Variants in KIAA1217 observed in about 807,000 individuals in gnomAD.
KIAA1217 encodes KIAA1217, also known as sickle tail protein homolog.
A neutral mutation model predicts 163.9 loss-of-function variants in KIAA1217; 88 were observed. The observed-to-expected ratio is 0.54, with a 90% confidence interval of 0.45 to 0.64. The LOEUF (loss-of-function observed/expected upper bound fraction) is 0.64. Among genes scored for constraint, KIAA1217 ranks in the 30% least tolerant of loss-of-function variants. The pLI is 0.00. For missense variants in KIAA1217, 2,372 were observed against 2,475.0 expected, an observed-to-expected ratio of 0.96 and a Z score of 0.88; for synonymous variants, 903 against 923.1, an observed-to-expected ratio of 0.98 and a Z score of 0.39.
chr10:24,140,148 A>G (rs2063997196), intron 2 of KIAA1217, among the ~76,000 whole-genome samples: 1 of 152,078 alleles, frequency 6.6e-6, no homozygotes, highest in Non-Finnish European at 1.5e-5. Flanking sequence ...TCACGAGGTC[A>G]GGAGATGGAT....
chr10:24,074,274 G>A (rs1005298138), intron 2 of KIAA1217, among the ~76,000 whole-genome samples: 8 of 152,046 alleles, frequency 5.3e-5, no homozygotes, highest in Admixed American at 2.0e-4. Flanking sequence ...GCTTGAACCC[G>A]GGAGGTGAAT....
At chr10:23,854,753 CT>C (rs1434092991) in intron 1 of KIAA1217, among the ~76,000 whole-genome samples, 4 of 152,166 alleles carry the variant, frequency 2.6e-5, no homozygotes, top group Non-Finnish European at 5.9e-5. Context: ...GAATTGGTCC[CT>C]TTACCATTAT....
chr10:24,161,911 A>G (rs772181260), intron 2 of KIAA1217, among the ~76,000 whole-genome samples: 8 of 152,252 alleles, frequency 5.3e-5, no homozygotes, highest in Non-Finnish European at 1.0e-4. Flanking sequence ...AAATGATACG[A>G]GCTAGATAGA....
chr10:23,709,315 G>A (rs1761350032), intron 1 of KIAA1217, among the ~76,000 whole-genome samples: 2 of 152,126 alleles, frequency 1.3e-5, no homozygotes, highest in South Asian at 4.2e-4. Flanking sequence ...CTTGAGTCTA[G>A]GTGTTTAAGA....
chr10:24,121,326 A>T (rs2063273940), intron 2 of KIAA1217, among the ~76,000 whole-genome samples: 1 of 152,092 alleles, frequency 6.6e-6, no homozygotes, highest in African/African-American at 2.4e-5. Flanking sequence ...CTCTGTGTTA[A>T]CCTCTATGTA....
At chr10:23,790,177 GCATATACACATATACA>G (rs1415426270) in intron 1 of KIAA1217, among the ~76,000 whole-genome samples, 3 of 50,712 alleles carry the variant, frequency 5.9e-5, no homozygotes, top group African/African-American at 3.4e-4. Context: ...ATACACATAT[GCATATACACATATACA>G]CATATGCATA....
intron 2 of KIAA1217, among the ~76,000 whole-genome samples, chr10:24,144,146 C>CTTGTAATAATAACAAGAA: frequency 6.6e-6 from 1 of 152,178 alleles, no homozygotes; most frequent in African/African-American, 2.4e-5. Context: ...AAGAATGATT[C>CTTGTAATAATAACAAGAA]TGTGTTTATT....
chr10:24,285,275 G>GAATCA (rs2078426692), intron 2 of KIAA1217, among the ~76,000 whole-genome samples: 1 of 152,154 alleles, frequency 6.6e-6, no homozygotes, highest in Non-Finnish European at 1.5e-5. Flanking sequence ...AATTGCTTTT[G>GAATCA]AAGACTTAAT....
chr10:24,037,583 G>A (rs1252494589), intron 2 of KIAA1217, among the ~76,000 whole-genome samples: 3 of 152,326 alleles, frequency 2.0e-5, no homozygotes, highest in South Asian at 2.1e-4. Context: ...ATCTCAGTAT[G>A]GAAGTCTTAG....
intron 2 of KIAA1217, among the ~76,000 whole-genome samples, chr10:24,355,171 T>C (rs920874245): frequency 5.9e-5 from 9 of 152,138 alleles, no homozygotes; most frequent in Non-Finnish European, 1.2e-4. Context: ...CCCTGGAGCT[T>C]GGGGCCAGAG....
At chr10:24,269,617 C>T (rs1380747592) in intron 2 of KIAA1217, among the ~76,000 whole-genome samples, 1 of 152,138 alleles carries the variant, frequency 6.6e-6, no homozygotes, top group African/African-American at 2.4e-5. Flanking sequence ...ATCCAAGCAC[C>T]CATTCCCTCT....
chr10:24,050,927 T>A (rs939854466), intron 2 of KIAA1217, among the ~76,000 whole-genome samples: 6 of 152,142 alleles, frequency 3.9e-5, no homozygotes, highest in Non-Finnish European at 8.8e-5. Flanking sequence ...GGTTTCTTTT[T>A]TTTATTTATT....
intron 2 of KIAA1217, among the ~76,000 whole-genome samples, chr10:24,260,482 G>T (rs1395038493): frequency 6.6e-6 from 1 of 151,302 alleles, no homozygotes; most frequent in African/African-American, 2.4e-5. Context: ...AGGCATGGTG[G>T]CTCATGCCTG....
chr10:24,511,151 T>TCAAAAAAAAA (rs2069086094), intron 9 of KIAA1217, among the ~76,000 whole-genome samples: 1 of 1,828 alleles, frequency 5.5e-4, no homozygotes, highest in Non-Finnish European at 1.1e-3. Flanking sequence ...AGACTCTGTC[T>TCAAAAAAAAA]CAAAAAAAAA....
chr10:24,237,316 T>A (rs1037732572), intron 2 of KIAA1217, among the ~76,000 whole-genome samples: 2 of 152,252 alleles, frequency 1.3e-5, no homozygotes, highest in Non-Finnish European at 2.9e-5. Context: ...TCAAGATCTC[T>A]CTGTCTTGAT....
chr10:24,122,150 C>CAA (rs2063306222), intron 2 of KIAA1217, among the ~76,000 whole-genome samples: 1 of 151,946 alleles, frequency 6.6e-6, no homozygotes, highest in Non-Finnish European at 1.5e-5. Context: ...TCAGCCCTTC[C>CAA]CCCCACCCTT....
At chr10:24,536,088 T>C (rs2073965888) in intron 16 of KIAA1217, among the ~76,000 whole-genome samples, 1 of 152,190 alleles carries the variant, frequency 6.6e-6, no homozygotes, top group Admixed American at 6.5e-5. Context: ...AGACACAGTC[T>C]ATGTCTATAC....
chr10:23,814,208 G>A (rs575516814), intron 1 of KIAA1217, among the ~76,000 whole-genome samples: 2 of 152,266 alleles, frequency 1.3e-5, no homozygotes, highest in Admixed American at 6.5e-5. Flanking sequence ...TGACAAAAAG[G>A]AACAATTTAA....
At chr10:24,161,804 G>A (rs1564773591) in intron 2 of KIAA1217, among the ~76,000 whole-genome samples, 1 of 152,138 alleles carries the variant, frequency 6.6e-6, no homozygotes, top group African/African-American at 2.4e-5. Context: ...TTCAATGTTG[G>A]GAACCAGGAA....
Sources: gnomAD v4.1 joint callset for allele counts (sites outside exome capture counted in the v4.1 genomes callset) on GRCh38, gnomAD v4.1.1 for gene constraint, MANE v1.5 for transcripts, NCBI Gene and HGNC (gene_info 2026-07-23, HGNC 2026-07-21) for gene names.